KLHL6: variants seen among roughly 807,000 people sequenced by gnomAD.
KLHL6 encodes kelch-like protein 6.
Under a neutral mutation model 58.6 loss-of-function variants are expected in KLHL6, and 41 were observed. The ratio of observed to expected loss-of-function variants is 0.70; its 90% CI spans 0.55 to 0.91. The LOEUF (loss-of-function observed/expected upper bound fraction) is 0.91. Among genes scored for constraint, KLHL6 ranks in the 40% least tolerant of loss-of-function variants. The pLI is 0.00. For synonymous variants in KLHL6, 338 were observed against 322.7 expected, an observed-to-expected ratio of 1.05 and a Z score of -0.51; for missense variants, 714 against 805.6, an observed-to-expected ratio of 0.89 and a Z score of 1.38.
rs576575276 is a variant in KLHL6 at position 183,532,043 on chromosome 3, T to A, written c.294-4033A>T. On this transcript the variant is annotated intron_variant, in intron 1 of 6. Coordinates refer to ENST00000341319, the MANE Select transcript of KLHL6 (RefSeq NM_130446.4). Reference sequence around the variant, plus strand: ...GAATTTGGGGGCCAAGTATGGAATGTCATGGATTGAATTGTGTCCCCCACA... The same window carrying A: ...GAATTTGGGGGCCAAGTATGGAATGACATGGATTGAATTGTGTCCCCCACA... 1.6e-4 allele frequency among the ~76,000 whole-genome samples: 24 copies of A among 152,360 alleles called. No homozygotes were observed. The South Asian group carries it at 5.0e-3, about 32-fold the overall frequency.
intron 3 of KLHL6, among the ~76,000 whole-genome samples, chr3:183,503,454 T>C (rs773871411): frequency 5.3e-5 from 8 of 152,238 alleles, no homozygotes; most frequent in Non-Finnish European, 1.0e-4. Context: ...TTTCCTGTTG[T>C]TAACACCAGT....
At chr3:183,552,919 G>A (rs184909908) in intron 1 of KLHL6, among the ~76,000 whole-genome samples, 94 of 152,190 alleles carry the variant, frequency 6.2e-4, no homozygotes, top group African/African-American at 2.2e-3. Flanking sequence ...TTGGCTCACC[G>A]TCGGTAGGCT....
intron 3 of KLHL6, among the ~76,000 whole-genome samples, chr3:183,503,364 A>G (rs1648172041): frequency 6.6e-6 from 1 of 152,214 alleles, no homozygotes; most frequent in African/African-American, 2.4e-5. Context: ...TCTGTCCCCA[A>G]AGTTCTCTTT....
Position 183,491,676 on chromosome 3 carries a change from T to C in KLHL6, c.*251A>G, listed in dbSNP as rs1028693657. On this transcript the variant is annotated 3_prime_UTR_variant, in exon 7 of 7. Transcript: ENST00000341319. ...GCCTGGCACAGAAGCCGGCATAGGGTGGGTGGGTCCTGAATGCTAAATATT... is the reference window on the plus strand; with the variant it reads ...GCCTGGCACAGAAGCCGGCATAGGGCGGGTGGGTCCTGAATGCTAAATATT... 2.6e-6 allele frequency: 1 copy of C among 378,384 alleles called. No individual in the cohort carries two copies. Among genetic ancestry groups the C allele is most frequent in the Non-Finnish European group, 4.7e-6 (1 of 213,210 alleles). The allele number at this position is 378,384 out of a possible 1,614,324, so 23.4% of individuals were successfully genotyped here. A position where few individuals can be genotyped will look rare whatever the true frequency, so the allele number is the denominator to read the frequency against.
chr3:183,553,910 T>C (rs1713017328), intron 1 of KLHL6, among the ~76,000 whole-genome samples: 1 of 151,594 alleles, frequency 6.6e-6, no homozygotes. Context: ...GGAGACCTAA[T>C]GAGTCCCACA....
intron 2 of KLHL6, among the ~76,000 whole-genome samples, chr3:183,508,752 AG>A (rs1165097348): frequency 3.9e-5 from 6 of 152,222 alleles, no homozygotes; most frequent in Admixed American, 3.3e-4. Flanking sequence ...TTACGGGAGG[AG>A]CTAAATACAT....
At chr3:183,506,167 T>C (rs957799205) in intron 3 of KLHL6, among the ~76,000 whole-genome samples, 6 of 152,238 alleles carry the variant, frequency 3.9e-5, no homozygotes, top group African/African-American at 1.4e-4. Flanking sequence ...GGTGTTCATG[T>C]GTACAAACTG....
At chr3:183,524,983 T>C (rs1214130197) in intron 2 of KLHL6, among the ~76,000 whole-genome samples, 1 of 152,074 alleles carries the variant, frequency 6.6e-6, no homozygotes. Flanking sequence ...AAAAAACTTT[T>C]GGCTGGGCAT....
intron 5 of KLHL6, 196 bp downstream of exon 5, chr3:183,493,883 A>G: frequency 1.6e-6 from 1 of 613,670 alleles, no homozygotes; most frequent in Non-Finnish European, 2.9e-6. Flanking sequence ...TTGGAAGGAC[A>G]TTGTTTCTGT....
chr3:183,492,898 C>T lies in KLHL6; in HGVS notation c.1351-191G>A. 4 of 577,770 alleles carry T rather than the reference C, an allele frequency of 6.9e-6. No individual in the cohort carries two copies. The highest frequency in any genetic ancestry group is 1.2e-5 in the Non-Finnish European group (4 of 323,744). 35.8% of individuals were successfully genotyped at this position (577,770 alleles called of 1,614,324 possible). On this transcript the variant is annotated intron_variant, in intron 5 of 6. Coordinates refer to ENST00000341319, the MANE Select transcript of KLHL6 (RefSeq NM_130446.4). This position sits in a 1 kb window ranked among gnomAD's most constrained non-coding sequence, Gnocchi z 5.9. ...AAGCATGCATTTCCCACCCTCCCTC[C>T]AGGCTCCACGCAAGCTAGAGCAAGC...
intron 2 of KLHL6, chr3:183,521,577 C>G (rs1170674030): frequency 6.6e-6 from 1 of 152,284 alleles, no homozygotes; most frequent in Non-Finnish European, 1.5e-5. Flanking sequence ...CGCACAGGAC[C>G]ACAGGAGTCA....
intron 1 of KLHL6, among the ~76,000 whole-genome samples, chr3:183,534,073 C>CATTTAAAAGTACTTTACTTTTAAAGTA (rs1553812509): frequency 2.6e-5 from 1 of 38,850 alleles, no homozygotes; most frequent in Non-Finnish European, 4.7e-5. Flanking sequence ...TAATCACCAG[C>CATTTAAAAGTACTTTACTTTTAAAGTA]CTTTAAAAGT....
At chr3:183,514,385 C>T (rs935430128) in intron 2 of KLHL6, among the ~76,000 whole-genome samples, 1 of 152,130 alleles carries the variant, frequency 6.6e-6, no homozygotes, top group Non-Finnish European at 1.5e-5. Flanking sequence ...TCACCTCCTC[C>T]AAGCAGTCCT....
intron 1 of KLHL6, among the ~76,000 whole-genome samples, chr3:183,543,412 G>A (rs1026344431): frequency 6.6e-6 from 1 of 152,088 alleles, no homozygotes; most frequent in African/African-American, 2.4e-5. Context: ...CAGTTACTAA[G>A]AATTCTCTCC....
intron 2 of KLHL6, 33 bp from the exon 3 acceptor site, chr3:183,508,541 G>GAAAATGGTGAGTCCAC (rs768802756): frequency 6.3e-7 from 1 of 1,585,788 alleles, no homozygotes; most frequent in Non-Finnish European, 8.6e-7. Flanking sequence ...AAGGAGGCCA[G>GAAAATGGTGAGTCCAC]AAAATGGTGA....
chr3:183,499,337 C>T lies in KLHL6; in HGVS notation c.1147+253G>A, dbSNP rs543544575. ...CTCCAGCCTGAGCAACAGAGCGAGA[C>T]GCTGTCTCAAAAAAAAAAGAAAAGA... On this transcript the variant is annotated intron_variant, in intron 4 of 6. Transcript: ENST00000341319. The surrounding 1 kb of genome is among the most constrained non-coding windows in gnomAD (Gnocchi z 4.6). Among the ~76,000 whole-genome samples the T allele has an allele frequency of 7.0e-5, 10 of 142,584 alleles. No individual in the cohort carries two copies. The highest frequency in any genetic ancestry group is 4.5e-4 in the South Asian group (2 of 4,464). 93.5% of individuals were successfully genotyped at this position (142,584 alleles called of 152,430 possible). A position where few individuals can be genotyped will look rare whatever the true frequency, so the allele number is the denominator to read the frequency against.
At position 183,492,812 on chromosome 3, in the gene KLHL6, TC is replaced by T; in HGVS notation, c.1351-106del. The T allele has an allele frequency of 9.8e-7, 1 of 1,025,424 alleles. No individual in the cohort carries two copies. Among genetic ancestry groups the T allele is most frequent in the African/African-American group, 1.6e-5 (1 of 63,156 alleles). The allele number at this position is 1,025,424 out of a possible 1,614,324, so 63.5% of individuals were successfully genotyped here. Reference sequence around the variant, plus strand: ...GAGCTCCGGGACACAGAACTGGGCATCTTTTGCCTATAGTCACAAGGCCCAT... The same window carrying T: ...GAGCTCCGGGACACAGAACTGGGCATTTTTGCCTATAGTCACAAGGCCCAT... On this transcript the variant is annotated intron_variant, in intron 5 of 6. Coordinates refer to ENST00000341319, the MANE Select transcript of KLHL6 (RefSeq NM_130446.4). The surrounding 1 kb of genome is among the most constrained non-coding windows in gnomAD (Gnocchi z 5.9).
In KLHL6 at chr3:183,508,509, C is replaced by T; in HGVS notation, c.460-1G>A. 6.2e-7 allele frequency: 1 copy of T among 1,611,214 alleles called. No individual in the cohort carries two copies. Among genetic ancestry groups the T allele is most frequent in the Non-Finnish European group, 8.5e-7 (1 of 1,178,416 alleles). ...CACAGGCATCCACCATCCGCAGGAA[C>T]TGATGAAATAGAAAGGGTGGAAAGG... On this transcript the variant is annotated splice_acceptor_variant, in intron 2 of 6. Coordinates refer to ENST00000341319, the MANE Select transcript of KLHL6 (RefSeq NM_130446.4). LOFTEE classifies it high-confidence loss of function.
chr3:183,516,475 G>T (rs1376846734), intron 2 of KLHL6, among the ~76,000 whole-genome samples: 1 of 152,216 alleles, frequency 6.6e-6, no homozygotes, highest in Non-Finnish European at 1.5e-5. Flanking sequence ...TGAGCAAAAG[G>T]TTGCAGCCAG....
Sources: allele counts gnomAD v4.1 joint callset (sites outside exome capture counted in the v4.1 genomes callset), GRCh38; gene constraint gnomAD v4.1.1; non-coding constraint Gnocchi (gnomAD v3.1); transcripts MANE v1.5; gene names NCBI Gene and HGNC (gene_info 2026-07-23, HGNC 2026-07-21).